Variants in ATXN2L observed in about 807,000 individuals in gnomAD.
The protein encoded by ATXN2L is ataxin-2-like protein.
Under a neutral mutation model 120.7 loss-of-function variants are expected in ATXN2L, and 24 were observed. The ratio of observed to expected loss-of-function variants is 0.20; its 90% CI spans 0.14 to 0.28. The LOEUF is 0.28. Among genes scored for constraint, ATXN2L ranks in the 10% least tolerant of loss-of-function variants. ATXN2L has a pLI of 1.00. For synonymous variants in ATXN2L, 653 were observed against 568.1 expected, an observed-to-expected ratio of 1.15 and a Z score of -2.13; for missense variants, 1,312 against 1,432.3, an observed-to-expected ratio of 0.92 and a Z score of 1.36.
intron 19 of ATXN2L, 30 bp from the exon 20 acceptor site, chr16:28,835,248 A>T (rs777695209): frequency 6.2e-7 from 1 of 1,613,562 alleles, no homozygotes; most frequent in Non-Finnish European, 8.5e-7. Context: ...TGGTGTGCTC[A>T]GCACTGGTTC....
rs777585619 is a variant in ATXN2L, at chr16:28,834,570, C to T, written c.2310C>T (p.Ala770=). The T allele has an allele frequency of 5.6e-6, 9 of 1,612,538 alleles. No individual in the cohort carries two copies. Among genetic ancestry groups the T allele is most frequent in the Admixed American group, 3.3e-5 (2 of 59,980 alleles). ...QPASAPPMMQ[A]AAAAGPPLVA... Reference sequence around the variant, plus strand: ...CCTCAGCCCCGCCGATGATGCAGGCCGCCGCGGCTGCTGGCCCGCCTCTGG... The same window carrying T: ...CCTCAGCCCCGCCGATGATGCAGGCTGCCGCGGCTGCTGGCCCGCCTCTGG... The change falls in exon 18 of 22, where the codon GCC becomes GCT. Residue 770 remains alanine (A), a synonymous_variant. Transcript: ENST00000336783.
chr16:28,824,695 C>T (rs1030904472), intron 1 of ATXN2L: 15 of 784,898 alleles, frequency 1.9e-5, no homozygotes, highest in Non-Finnish European at 2.6e-5. Flanking sequence ...TCCAAAGCTG[C>T]ACTCCTGGAG....
Position 28,832,467 on chromosome 16 carries a change from CCTTTAGGCATTTCT to C in ATXN2L, c.1517-23_1517-10del. ...TGATTTGTGGTTCTGGACAGAAGGA[CCTTTAGGCATTTCT>C]CTTTACTTGAACAGTAAAAGAACTC... On this transcript the variant is annotated splice_polypyrimidine_tract_variant and intron_variant, in intron 11 of 21. Transcript: ENST00000336783. 6.2e-7 allele frequency: 1 copy of C among 1,613,008 alleles called. No homozygotes were observed. The highest frequency in any genetic ancestry group is 1.1e-5 in the South Asian group (1 of 91,060).
intron 15 of ATXN2L, 146 bp downstream of exon 15, chr16:28,833,654 G>A: frequency 1.1e-6 from 1 of 886,216 alleles, no homozygotes; most frequent in Non-Finnish European, 1.8e-6. Context: ...ATGTAAGGAT[G>A]GCACCTTTGG....
chr16:28,827,196 G>A (rs1218032990), intron 6 of ATXN2L, among the ~76,000 whole-genome samples: 1 of 152,244 alleles, frequency 6.6e-6, no homozygotes, highest in Admixed American at 6.5e-5. Flanking sequence ...CACTTTGGGA[G>A]GCCAAGGCCG....
intron 2 of ATXN2L, 77 bp downstream of exon 2, chr16:28,825,479 G>A (rs2051542337): frequency 1.9e-6 from 3 of 1,551,944 alleles, no homozygotes; most frequent in South Asian, 1.1e-5. Context: ...GGCACATTAG[G>A]TCTAGATAGA....
In ATXN2L at chr16:28,833,996, A is replaced by G. The variant is rs2055545791; in HGVS notation, c.2026-69A>G. 4 of 1,513,730 alleles carry G rather than the reference A, an allele frequency of 2.6e-6. No homozygotes were observed. The Admixed American group carries it at 5.8e-5, about 22-fold the overall frequency. 93.8% of individuals were successfully genotyped at this position (1,513,730 alleles called of 1,614,324 possible). A position where few individuals can be genotyped will look rare whatever the true frequency, so the allele number is the denominator to read the frequency against. On this transcript the variant is annotated intron_variant, in intron 15 of 21. Coordinates refer to ENST00000336783, the MANE Select transcript of ATXN2L (RefSeq NM_007245.4). ...CAGCATTTCACGAATGTTAATTATT[A>G]CCACTCTAGGCATGGCCAGGAGTAG...
chr16:28,832,760 A>AG, intron 12 of ATXN2L, 57 bp from the exon 13 acceptor site: 1 of 1,569,498 alleles, frequency 6.4e-7, no homozygotes, highest in Non-Finnish European at 8.8e-7. Flanking sequence ...GGCACTGTGT[A>AG]GCCACCTTAG....
At position 28,834,398 on chromosome 16, in the gene ATXN2L, A is replaced by G. The variant is rs1335165354; in HGVS notation, c.2228A>G (p.Lys743Arg). 3 of 1,614,110 alleles carry G rather than the reference A, an allele frequency of 1.9e-6. No individual in the cohort carries two copies. The highest frequency in any genetic ancestry group is 2.5e-6 in the Non-Finnish European group (3 of 1,179,952). ...VSNSVPGQQG[K>R]YRGAKGSLPP... is the part of the protein sequence containing the mutation. ...AATTCAGTGCCTGGGCAGCAGGGCA[A>G]GTACCGGGGAGCAAAAGGTGAGCAG... is the stretch of plus-strand genomic sequence containing the variant. The change falls in exon 17 of 22, where the codon AAG (lysine) becomes AGG (arginine). Residue 743 changes from lysine (K) to arginine (R), a missense_variant. By Grantham distance (26) the Lys-to-Arg change is conservative. Transcript: ENST00000336783.
At chr16:28,835,458 G>A in intron 20 of ATXN2L, 59 bp downstream of exon 20, 1 of 1,611,666 alleles carries the variant, frequency 6.2e-7, no homozygotes, top group South Asian at 1.1e-5. Flanking sequence ...CCAGAAGAAG[G>A]GATAGAGCTA....
chr16:28,835,255 G>A, intron 19 of ATXN2L, 23 bp from the exon 20 acceptor site: 1 of 1,613,808 alleles, frequency 6.2e-7, no homozygotes, highest in Non-Finnish European at 8.5e-7. Context: ...CTCAGCACTG[G>A]TTCTCCCTCT....
chr16:28,824,488 G>T (rs992023480), intron 1 of ATXN2L: 2 of 1,288,258 alleles, frequency 1.6e-6, no homozygotes, highest in Non-Finnish European at 2.0e-6. Context: ...CTCAACCGCC[G>T]GTTACATCAG....
Position 28,826,289 on chromosome 16 carries a change from G to A in ATXN2L, c.515G>A (p.Gly172Asp), listed in dbSNP as rs577021613. Residue 172 changes from glycine (G) to aspartate (D), a missense_variant, in exon 5 of 22, where the codon GGT becomes GAT. Physicochemically the swap from Gly to Asp is moderately conservative, Grantham distance 94 (BLOSUM62 -1). Coordinates refer to ENST00000336783, the MANE Select transcript of ATXN2L (RefSeq NM_007245.4). ...AVHRKASEPAGGPRREDIVDT... is the reference protein window; with the variant it reads ...AVHRKASEPADGPRREDIVDT... The stretch of plus-strand genomic sequence containing the variant: ...CACCGGAAAGCATCTGAGCCAGCAG[G>A]TGGCCCTCGTCGGGAGGACATTGTG... 1.2e-6 allele frequency: 2 copies of A among 1,614,214 alleles called. No individual in the cohort carries two copies. The highest frequency in any genetic ancestry group is 2.2e-5 in the East Asian group (1 of 44,886).
At chr16:28,824,408 C>T in intron 1 of ATXN2L, 1 of 1,277,770 alleles carries the variant, frequency 7.8e-7, no homozygotes, top group Non-Finnish European at 1.0e-6. Context: ...GCAGACCGGG[C>T]GAGGCCTCCC....
intron 6 of ATXN2L, among the ~76,000 whole-genome samples, chr16:28,827,864 T>C (rs2052753452): frequency 6.6e-6 from 1 of 152,206 alleles, no homozygotes; most frequent in Non-Finnish European, 1.5e-5. Flanking sequence ...ACTCAACTTG[T>C]GAATGGCCAC....
At chr16:28,828,002 T>C (rs565815605) in intron 6 of ATXN2L, among the ~76,000 whole-genome samples, 4 of 152,354 alleles carry the variant, frequency 2.6e-5, no homozygotes, top group African/African-American at 4.8e-5. Flanking sequence ...TTCGAACTTC[T>C]CATGGTTGTA....
rs376413216 is a variant in ATXN2L at position 28,832,284 on chromosome 16, C to T, written c.1401C>T (p.Ile467=). 22 of 1,614,148 alleles carry T rather than the reference C, an allele frequency of 1.4e-5. No individual in the cohort carries two copies. The highest frequency in any genetic ancestry group is 5.3e-5 in the African/African-American group (4 of 75,036). ...PISASCPEPP[I]GSAVPTSSAS... is the part of the protein sequence containing the mutation. ...CAGCTTCCTGTCCAGAGCCTCCCAT[C>T]GGCTCGGCAGTGCCAACCTCTTCAG... The change falls in exon 11 of 22, where the codon ATC becomes ATT. Residue 467 remains isoleucine, a synonymous_variant. Transcript: ENST00000336783.
Position 28,835,053 on chromosome 16 carries a change from G to T in ATXN2L, c.2434-5G>T, listed in dbSNP as rs1295136034. The T allele has an allele frequency of 1.2e-6, 2 of 1,607,614 alleles. No homozygotes were observed. The highest frequency in any genetic ancestry group is 1.7e-6 in the Non-Finnish European group (2 of 1,176,702). On this transcript the variant is annotated splice_region_variant and splice_polypyrimidine_tract_variant and intron_variant, in intron 18 of 21. Transcript: ENST00000336783. The stretch of plus-strand genomic sequence containing the variant: ...TGCCAACCACTCCTCTCTCTGTCCC[G>T]CCAGCCGGTGTTTGCCCCCATGCTT...
At chr16:28,827,492 A>G (rs2052569529) in intron 6 of ATXN2L, among the ~76,000 whole-genome samples, 1 of 152,218 alleles carries the variant, frequency 6.6e-6, no homozygotes, top group Non-Finnish European at 1.5e-5. Flanking sequence ...TAGCATTTGC[A>G]TCACGTTATT....
Sources: allele counts gnomAD v4.1 joint callset (sites outside exome capture counted in the v4.1 genomes callset), GRCh38; gene constraint gnomAD v4.1.1; transcripts MANE v1.5; gene names NCBI Gene and HGNC (gene_info 2026-07-23, HGNC 2026-07-21).